STK11: variants seen among roughly 807,000 people sequenced by gnomAD.
STK11 encodes the protein serine/threonine-protein kinase STK11.
A neutral mutation model predicts 47.3 loss-of-function variants in STK11; 8 were observed. The ratio of observed to expected loss-of-function variants is 0.17; its 90% CI spans 0.10 to 0.31. STK11 has a LOEUF of 0.31. Among genes scored for constraint, STK11 ranks in the 10% least tolerant of loss-of-function variants. The pLI is 1.00. For synonymous variants in STK11, 330 were observed against 255.8 expected (o/e 1.29, Z -2.77); for missense variants, 475 against 605.0 (o/e 0.79, Z 2.25).
chr19:1,219,492 C>A, intron 3 of STK11, 79 bp downstream of exon 3: 1 of 1,417,350 alleles, frequency 7.1e-7, no homozygotes, highest in Non-Finnish European at 9.6e-7. Context: ...TGAGGCCACA[C>A]TGCTTGTCCT....
Position 1,227,913 on chromosome 19 carries a change from G to A in STK11, c.*337G>A. The A allele has an allele frequency of 1.9e-6, 2 of 1,070,392 alleles. No individual in the cohort carries two copies. The highest frequency in any genetic ancestry group is 2.3e-6 in the Non-Finnish European group (2 of 882,366). The allele number at this position is 1,070,392 out of a possible 1,614,324, so 66.3% of individuals were successfully genotyped here. A position where few individuals can be genotyped will look rare whatever the true frequency, so the allele number is the denominator to read the frequency against. On this transcript the variant is annotated 3_prime_UTR_variant, in exon 10 of 10. Transcript: ENST00000326873. ...CCGCCCGTGGCCTCGTGCTCCGCAG[G>A]GCGCCCAGCGCCGTCCGGCGGCCCC... is the stretch of plus-strand genomic sequence containing the variant.
At chr19:1,216,894 C>T (rs2080748490) in intron 1 of STK11, among the ~76,000 whole-genome samples, 1 of 151,722 alleles carries the variant, frequency 6.6e-6, no homozygotes, top group Non-Finnish European at 1.5e-5. Context: ...ACTGTGACAT[C>T]CTCAAGGTGC....
chr19:1,227,813 C>G lies in STK11; in HGVS notation c.*237C>G. ...CACGCGGCTTGTTGACTTCGCAGCC[C>G]CGGGCGGAGCCTTCCCGGGCGGGCG... On this transcript the variant is annotated 3_prime_UTR_variant, in exon 10 of 10. Transcript: ENST00000326873. The G allele has an allele frequency of 9.3e-7, 1 of 1,072,266 alleles. No individual in the cohort carries two copies. The highest frequency in any genetic ancestry group is 1.1e-6 in the Non-Finnish European group (1 of 883,590). The allele number at this position is 1,072,266 out of a possible 1,614,324, so 66.4% of individuals were successfully genotyped here.
At chr19:1,226,888 C>T (rs759533999) in intron 9 of STK11, 14 of 552,106 alleles carry the variant, frequency 2.5e-5, no homozygotes, top group African/African-American at 1.4e-4. Flanking sequence ...CTACGTGTGG[C>T]GGGGCTCTGG....
intron 8 of STK11, chr19:1,225,751 TGGCTC>T: frequency 1.0e-6 from 1 of 985,540 alleles, no homozygotes; most frequent in Non-Finnish European, 1.2e-6. Flanking sequence ...GCCTCGGGGA[TGGCTC>T]GGCAGCCAGT....
chr19:1,206,923 G>A lies in STK11; in HGVS notation c.10G>A (p.Val4Met), dbSNP rs767300470. Residue 4 changes from valine to methionine, a missense_variant, in exon 1 of 10, where the codon GTG becomes ATG. Coordinates refer to ENST00000326873, the MANE Select transcript of STK11 (RefSeq NM_000455.5). MEVVDPQQLGMFTE... is the reference protein window; with the variant it reads MEVMDPQQLGMFTE... ...GGACCCTGGGTCCAGCATGGAGGTG[G>A]TGGACCCGCAGCAGCTGGGCATGTT... is the stretch of plus-strand genomic sequence containing the variant. The A allele has an allele frequency of 6.3e-7, 1 of 1,583,764 alleles. No individual in the cohort carries two copies. Among genetic ancestry groups the A allele is most frequent in the Non-Finnish European group, 8.6e-7 (1 of 1,165,480 alleles).
chr19:1,226,068 G>A (rs1568716085), intron 8 of STK11: 6 of 1,049,102 alleles, frequency 5.7e-6, no homozygotes, highest in South Asian at 6.7e-5. Flanking sequence ...AGCATGTGGC[G>A]GCTCCTGGGC....
At chr19:1,224,130 G>A in intron 8 of STK11, 1 of 989,782 alleles carries the variant, frequency 1.0e-6, no homozygotes, top group Non-Finnish European at 1.2e-6. Context: ...GCTCAGCTCA[G>A]TAGCTGGTCC....
chr19:1,219,536 G>GT (rs541794357), intron 3 of STK11, 123 bp downstream of exon 3: 32 of 957,888 alleles, frequency 3.3e-5, no homozygotes, highest in South Asian at 1.4e-4. Flanking sequence ...AAGTTTTTTT[G>GT]TTTTTTTGTT....
chr19:1,216,533 T>A lies in STK11; in HGVS notation c.291-1884T>A, dbSNP rs1401047431. On this transcript the variant is annotated intron_variant, in intron 1 of 9. Coordinates refer to ENST00000326873, the MANE Select transcript of STK11 (RefSeq NM_000455.5). The stretch of plus-strand genomic sequence containing the variant: ...AGGCAGAGGTTGCAGTGAGCTGAGA[T>A]CATGCCATTGCACTCTGGCCTGGCG... The A allele has an allele frequency of 3.4e-5, 5 of 148,230 alleles. 1 individual carries two copies. The highest frequency in any genetic ancestry group is 2.0e-4 in the Admixed American group (3 of 14,802). The allele number at this position is 148,230 out of a possible 1,614,324, so 9.2% of individuals were successfully genotyped here.
At position 1,220,175 on chromosome 19, in the gene STK11, G is replaced by A. The variant is rs1038329162; in HGVS notation, c.465-198G>A. ...TCCGGGGCCCTGCCAGACGTGGCTC[G>A]GCCGGACGAGGGTGGCCACTGCAGG... On this transcript the variant is annotated intron_variant, in intron 3 of 9. Transcript: ENST00000326873. The A allele has an allele frequency of 9.1e-4, 567 of 623,338 alleles. 5 individuals are homozygous for A. Among genetic ancestry groups the A allele is most frequent in the Middle Eastern group, 4.4e-4 (1 of 2,252 alleles). The allele number at this position is 623,338 out of a possible 1,614,324, so 38.6% of individuals were successfully genotyped here. A position where few individuals can be genotyped will look rare whatever the true frequency, so the allele number is the denominator to read the frequency against.
At chr19:1,208,698 A>G (rs555358213) in intron 1 of STK11, among the ~76,000 whole-genome samples, 14 of 128,922 alleles carry the variant, frequency 1.1e-4, no homozygotes, top group South Asian at 4.8e-4. Context: ...GCTCACTGCA[A>G]TCTCCGCCCC....
At chr19:1,225,002 C>T (rs1040834428) in intron 8 of STK11, 11 of 985,448 alleles carry the variant, frequency 1.1e-5, no homozygotes, top group Non-Finnish European at 1.2e-5. Context: ...GCTGCTGCAT[C>T]GGCCTCTGCG....
At position 1,206,778 on chromosome 19, in the gene STK11, C is replaced by G; in HGVS notation, c.-136C>G. On this transcript the variant is annotated 5_prime_UTR_variant, in exon 1 of 10. Coordinates refer to ENST00000326873, the MANE Select transcript of STK11 (RefSeq NM_000455.5). Reference sequence around the variant, plus strand: ...TGTTGGAAGAAGGGTTTTTCCCTTCCTTTTGGGGTTTTTGTTGCCTTTTTT... The same window carrying G: ...TGTTGGAAGAAGGGTTTTTCCCTTCGTTTTGGGGTTTTTGTTGCCTTTTTT... 1 of 1,159,890 alleles carries G rather than the reference C, an allele frequency of 8.6e-7. No homozygotes were observed. Among genetic ancestry groups the G allele is most frequent in the South Asian group, 1.7e-5 (1 of 60,406 alleles). 71.8% of individuals were successfully genotyped at this position (1,159,890 alleles called of 1,614,324 possible).
intron 3 of STK11, 46 bp from the exon 4 acceptor site, chr19:1,220,327 G>T (rs777994631): frequency 1.9e-6 from 3 of 1,573,638 alleles, no homozygotes; most frequent in Middle Eastern, 3.3e-4. Flanking sequence ...ACCCCTGTGA[G>T]GGGCAGGGAG....
In STK11 at chr19:1,223,186, G is replaced by A. The variant is rs888983934; in HGVS notation, c.1108+14G>A. The A allele has an allele frequency of 1.9e-6, 3 of 1,605,166 alleles. No individual in the cohort carries two copies. Among genetic ancestry groups the A allele is most frequent in the Admixed American group, 1.7e-5 (1 of 59,356 alleles). ...TCACGGTGCCCGGTGAGTCTGGCGG[G>A]GGCCCCTGCCCGGCTCTGCTGACTC... On this transcript the variant is annotated intron_variant, in intron 8 of 9. Coordinates refer to ENST00000326873, the MANE Select transcript of STK11 (RefSeq NM_000455.5).
At chr19:1,222,271 G>A (rs2080790193) in intron 7 of STK11, among the ~76,000 whole-genome samples, 1 of 152,248 alleles carries the variant, frequency 6.6e-6, no homozygotes, top group Admixed American at 6.5e-5. Flanking sequence ...GATGCGCCAG[G>A]AAGGGCACAG....
intron 1 of STK11, among the ~76,000 whole-genome samples, chr19:1,208,628 T>TC (rs2080686656): frequency 7.8e-6 from 1 of 127,724 alleles, no homozygotes; most frequent in Admixed American, 7.9e-5. Context: ...TTTTTTTTTT[T>TC]TTTTTTGAGA....
chr19:1,208,332 G>C (rs754410067), intron 1 of STK11, among the ~76,000 whole-genome samples: 9 of 148,738 alleles, frequency 6.1e-5, no homozygotes, highest in Non-Finnish European at 1.3e-4. Context: ...TTTTGAGACG[G>C]AGTCTCGCTC....
Sources: gnomAD v4.1 joint callset for allele counts (sites outside exome capture counted in the v4.1 genomes callset) on GRCh38, gnomAD v4.1.1 for gene constraint, MANE v1.5 for transcripts, NCBI Gene and HGNC (gene_info 2026-07-23, HGNC 2026-07-21) for gene names.